SMPDL3A: variants seen among roughly 807,000 people sequenced by gnomAD.
SMPDL3A encodes the protein cyclic GMP-AMP phosphodiesterase SMPDL3A.
In SMPDL3A, 39 loss-of-function variants were observed where a neutral mutation model predicts 38.5. The observed-to-expected ratio is 1.01, with a 90% CI of 0.78 to 1.32. The LOEUF (loss-of-function observed/expected upper bound fraction) is 1.32. Ranked by LOEUF, SMPDL3A falls within the 40% of genes most tolerant of loss-of-function variation. SMPDL3A has a pLI of 0.00. For missense variants in SMPDL3A, 502 were observed against 536.2 expected, an observed-to-expected ratio of 0.94 and a Z score of 0.63; for synonymous variants, 180 against 194.3, an observed-to-expected ratio of 0.93 and a Z score of 0.61.
intron 1 of SMPDL3A, among the ~76,000 whole-genome samples, chr6:122,793,791 G>A (rs1159678945): frequency 6.6e-6 from 1 of 152,042 alleles, no homozygotes; most frequent in Non-Finnish European, 1.5e-5. Context: ...TCACCTTAAC[G>A]TATCAACTGT....
intron 5 of SMPDL3A, among the ~76,000 whole-genome samples, chr6:122,804,379 C>G (rs1359387810): frequency 6.6e-6 from 1 of 151,940 alleles, no homozygotes; most frequent in Non-Finnish European, 1.5e-5. Context: ...TCATGGCTCA[C>G]TGCAGCTTCA....
At position 122,809,215 on chromosome 6, in the gene SMPDL3A, G is replaced by A. The variant is rs1479426161; in HGVS notation, c.1169G>A (p.Gly390Glu). Residue 390 changes from glycine (G) to glutamate (E), a missense_variant, in exon 8 of 8, where the codon GGA (glycine) becomes GAA (glutamate). Physicochemically the swap from Gly to Glu is moderately conservative, Grantham distance 98. Coordinates refer to ENST00000368440, the MANE Select transcript of SMPDL3A (RefSeq NM_006714.5). ...GATTTGCAGCCGGAAAGTTTATATG[G>A]ATTAGCTAAACAATTTACAATCCTA... ...IEDLQPESLY[G>E]LAKQFTILDS... 1 of 1,614,136 alleles carries A rather than the reference G, an allele frequency of 6.2e-7. No homozygotes were observed.
At position 122,793,618 on chromosome 6, in the gene SMPDL3A, A is replaced by C. The variant is rs142451851; in HGVS notation, c.113-2059A>C. Reference sequence around the variant, plus strand: ...GGAATAAAATAAAATTGCTTTTGTCAGATGTTTTCAAATAGTGACTAAGTG... The same window carrying C: ...GGAATAAAATAAAATTGCTTTTGTCCGATGTTTTCAAATAGTGACTAAGTG... On this transcript the variant is annotated intron_variant, in intron 1 of 7. Transcript: ENST00000368440. 1.7e-3 allele frequency among the ~76,000 whole-genome samples: 263 copies of C among 152,302 alleles called. 1 individual carries two copies. Among genetic ancestry groups the C allele is most frequent in the African/African-American group, 5.9e-3 (246 of 41,574 alleles).
chr6:122,799,228 C>A (rs1304503389), intron 3 of SMPDL3A, among the ~76,000 whole-genome samples: 4 of 152,182 alleles, frequency 2.6e-5, no homozygotes, highest in Non-Finnish European at 4.4e-5. Flanking sequence ...TACTCCTACA[C>A]TGGCAAGACT....
intron 3 of SMPDL3A, among the ~76,000 whole-genome samples, chr6:122,797,870 G>T (rs1200159860): frequency 1.3e-5 from 2 of 152,106 alleles, no homozygotes; most frequent in African/African-American, 2.4e-5. Flanking sequence ...GAAAATGAAG[G>T]CTCAGAAATG....
intron 1 of SMPDL3A, chr6:122,789,678 C>A: frequency 2.8e-6 from 1 of 355,222 alleles, no homozygotes; most frequent in Non-Finnish European, 3.9e-6. Flanking sequence ...CGGGGCTGGG[C>A]GGGGGAAATG....
At chr6:122,795,085 A>G (rs1781198814) in intron 1 of SMPDL3A, among the ~76,000 whole-genome samples, 1 of 152,174 alleles carries the variant, frequency 6.6e-6, no homozygotes, top group African/African-American at 2.4e-5. Context: ...TATTATGGAA[A>G]CATAGCTTTG....
At chr6:122,793,686 T>A (rs2115160829) in intron 1 of SMPDL3A, among the ~76,000 whole-genome samples, 1 of 152,348 alleles carries the variant, frequency 6.6e-6, no homozygotes, top group Middle Eastern at 3.4e-3. Context: ...GGATCTTTTG[T>A]CTACCATTTC....
intron 3 of SMPDL3A, among the ~76,000 whole-genome samples, chr6:122,799,225 AC>A (rs1781346231): frequency 6.6e-6 from 1 of 152,168 alleles, no homozygotes; most frequent in East Asian, 1.9e-4. Context: ...ATTTACTCCT[AC>A]ACTGGCAAGA....
At chr6:122,805,177 T>C (rs1781570707) in intron 6 of SMPDL3A, 88 bp downstream of exon 6, 10 of 1,130,330 alleles carry the variant, frequency 8.8e-6, no homozygotes, top group East Asian at 2.5e-5. Flanking sequence ...TTTAGTAAAT[T>C]AAACGTTTTA....
At chr6:122,807,259 G>A (rs1298396543) in intron 7 of SMPDL3A, among the ~76,000 whole-genome samples, 1 of 152,156 alleles carries the variant, frequency 6.6e-6, no homozygotes, top group Non-Finnish European at 1.5e-5. Flanking sequence ...AGCACTTTGG[G>A]AGGCCGAGTT....
intron 5 of SMPDL3A, 112 bp from the exon 6 acceptor site, chr6:122,804,797 G>T: frequency 1.2e-6 from 1 of 835,796 alleles, no homozygotes; most frequent in Non-Finnish European, 1.9e-6. Context: ...TGATATATTT[G>T]CTTTCTAAAT....
chr6:122,789,978 TCACC>T (rs1781019609), intron 1 of SMPDL3A: 1 of 668,388 alleles, frequency 1.5e-6, no homozygotes, highest in Non-Finnish European at 1.9e-6. Context: ...TTTCTGCCAC[TCACC>T]CAGCCAGAGC....
At chr6:122,792,638 CTT>C (rs368762743) in intron 1 of SMPDL3A, among the ~76,000 whole-genome samples, 56 of 140,684 alleles carry the variant, frequency 4.0e-4, no homozygotes, top group Admixed American at 5.6e-4. Context: ...TCTTCTTCCC[CTT>C]TTTTTTTTTT....
intron 1 of SMPDL3A, among the ~76,000 whole-genome samples, chr6:122,791,787 G>A (rs1463885753): frequency 1.3e-5 from 2 of 152,020 alleles, no homozygotes; most frequent in African/African-American, 4.8e-5. Flanking sequence ...TCCGCCTCCC[G>A]GGTTCACGCC....
chr6:122,804,954 C>A lies in SMPDL3A; in HGVS notation c.784C>A (p.Gln262Lys), dbSNP rs780515022. ...HVPVGYLPSS[Q>K]NITAMREYYN... ...TCCAGTGGGGTATCTGCCATCTTCACAGAACATCACAGCAATGAGAGAATA... is the reference window on the plus strand; with the variant it reads ...TCCAGTGGGGTATCTGCCATCTTCAAAGAACATCACAGCAATGAGAGAATA... The change falls in exon 6 of 8, where the codon CAG becomes AAG. Residue 262 changes from glutamine to lysine, a missense_variant. Coordinates refer to ENST00000368440, the MANE Select transcript of SMPDL3A (RefSeq NM_006714.5). The A allele has an allele frequency of 5.6e-6, 9 of 1,612,648 alleles. No individual in the cohort carries two copies. The highest frequency in any genetic ancestry group is 7.6e-6 in the Non-Finnish European group (9 of 1,179,576).
At chr6:122,799,437 T>C (rs377162953) in intron 3 of SMPDL3A, among the ~76,000 whole-genome samples, 23 of 152,344 alleles carry the variant, frequency 1.5e-4, no homozygotes, top group South Asian at 8.3e-4. Flanking sequence ...GTGCTTGTGT[T>C]TCTCATGTTT....
rs572369779 is a variant in SMPDL3A, at chr6:122,792,377, T to C, written c.112+2919T>C. ...GTCATCTGTGATCTTGAGGATATCA[T>C]GAAATTTGCCTTTGCCTAAATGTCA... On this transcript the variant is annotated intron_variant, in intron 1 of 7. Transcript: ENST00000368440. Among the ~76,000 whole-genome samples, 9 of 152,352 alleles carry C rather than the reference T, an allele frequency of 5.9e-5. No homozygotes were observed. In the East Asian group the frequency reaches 1.5e-3, roughly 26 times the overall value.
Position 122,809,249 on chromosome 6 carries a change from G to A in SMPDL3A, c.1203G>A (p.Lys401=), listed in dbSNP as rs755964893. 1.2e-6 allele frequency: 2 copies of A among 1,614,064 alleles called. No individual in the cohort carries two copies. Among genetic ancestry groups the A allele is most frequent in the East Asian group, 2.2e-5 (1 of 44,892 alleles). The change falls in exon 8 of 8, where the codon AAG becomes AAA. Residue 401 remains lysine, a synonymous_variant. Coordinates refer to ENST00000368440, the MANE Select transcript of SMPDL3A (RefSeq NM_006714.5). ...LAKQFTILDS[K]QFIKYYNYFF... is the part of the protein sequence containing the mutation. Reference sequence around the variant, plus strand: ...AACAATTTACAATCCTAGACAGTAAGCAGTTTATAAAATACTACAATTACT... The same window carrying A: ...AACAATTTACAATCCTAGACAGTAAACAGTTTATAAAATACTACAATTACT...
Sources: gnomAD v4.1 joint callset for allele counts (sites outside exome capture counted in the v4.1 genomes callset) on GRCh38, gnomAD v4.1.1 for gene constraint, MANE v1.5 for transcripts, NCBI Gene and HGNC (gene_info 2026-07-23, HGNC 2026-07-21) for gene names.